The following PLXNA2 variants were observed in gnomAD, a reference collection of about 807,000 sequenced individuals.
PLXNA2 encodes plexin-A2.
A neutral mutation model predicts 193.5 loss-of-function variants in PLXNA2; 91 were observed. The observed-to-expected ratio is 0.47, with a 90% CI of 0.40 to 0.56. The LOEUF (loss-of-function observed/expected upper bound fraction) is 0.56. Among genes scored for constraint, PLXNA2 ranks in the 20% least tolerant of loss-of-function variants. The probability of loss-of-function intolerance (pLI) is 0.00; values close to 1 mark genes in which losing one functional copy is unlikely to be tolerated. For missense variants in PLXNA2, 1,995 were observed against 2,503.2 expected, an observed-to-expected ratio of 0.80 and a Z score of 4.33; for synonymous variants, 997 against 1,027.3, an observed-to-expected ratio of 0.97 and a Z score of 0.56.
intron 26 of PLXNA2, among the ~76,000 whole-genome samples, chr1:208,035,968 T>A (rs756035311): frequency 3.8e-4 from 58 of 152,304 alleles, no homozygotes; most frequent in Non-Finnish European, 7.8e-4. Context: ...TTATGCAGAT[T>A]TTCTTCTGCA....
At chr1:208,137,657 T>A (rs1436761150) in intron 4 of PLXNA2, among the ~76,000 whole-genome samples, 1 of 152,160 alleles carries the variant, frequency 6.6e-6, no homozygotes, top group Non-Finnish European at 1.5e-5. Context: ...GGGAATCAGT[T>A]CCCAAATTTT....
chr1:208,090,570 C>A (rs532539256), intron 9 of PLXNA2, among the ~76,000 whole-genome samples: 1 of 152,140 alleles, frequency 6.6e-6, no homozygotes, highest in Non-Finnish European at 1.5e-5. Flanking sequence ...TCCACACACA[C>A]CCCAGCAGAG....
At chr1:208,122,473 G>A (rs1190880135) in intron 4 of PLXNA2, among the ~76,000 whole-genome samples, 1 of 152,132 alleles carries the variant, frequency 6.6e-6, no homozygotes, top group Non-Finnish European at 1.5e-5. Context: ...CTCCCTAATA[G>A]GAATGTTGTG....
intron 3 of PLXNA2, among the ~76,000 whole-genome samples, chr1:208,152,797 C>T (rs1272843276): frequency 6.6e-6 from 1 of 151,380 alleles, no homozygotes; most frequent in Non-Finnish European, 1.5e-5. Flanking sequence ...GCTAACATGG[C>T]CTTCTCACCA....
At chr1:208,095,747 G>A (rs747151443) in intron 8 of PLXNA2, among the ~76,000 whole-genome samples, 1 of 152,162 alleles carries the variant, frequency 6.6e-6, no homozygotes, top group Non-Finnish European at 1.5e-5. Flanking sequence ...TACGGTTCCT[G>A]TTCTCTGACT....
chr1:208,118,527 C>T (rs1000592147), intron 4 of PLXNA2, among the ~76,000 whole-genome samples: 3 of 152,210 alleles, frequency 2.0e-5, no homozygotes, highest in Non-Finnish European at 4.4e-5. Flanking sequence ...CTCCCCCACC[C>T]CGGGGTCTTG....
intron 1 of PLXNA2, among the ~76,000 whole-genome samples, chr1:208,234,063 C>T (rs1671775900): frequency 6.6e-6 from 1 of 151,948 alleles, no homozygotes. Context: ...TGGGGGAGGT[C>T]ACTGGGCACA....
intron 6 of PLXNA2, 96 bp from the exon 7 acceptor site, chr1:208,096,979 C>T: frequency 9.4e-7 from 1 of 1,066,940 alleles, no homozygotes; most frequent in Non-Finnish European, 1.3e-6. Flanking sequence ...TCACTGATCT[C>T]CCCTGACCTC....
rs975675271 is a variant in PLXNA2 at position 208,089,655 on chromosome 1, T to C, written c.2097+3131A>G. Among the ~76,000 whole-genome samples the C allele has an allele frequency of 8.5e-5, 13 of 152,188 alleles. 1 individual carries two copies. The highest frequency in any genetic ancestry group is 8.5e-4 in the Admixed American group (13 of 15,280). On this transcript the variant is annotated intron_variant, in intron 9 of 31. Coordinates refer to ENST00000367033, the MANE Select transcript of PLXNA2 (RefSeq NM_025179.4). The stretch of plus-strand genomic sequence containing the variant: ...GAACTCCTGGCACATGTGAAGAAAT[T>C]ATAAATGTGTGATATATTAATGTTG...
chr1:208,189,546 G>A (rs1206637762), intron 3 of PLXNA2, among the ~76,000 whole-genome samples: 2 of 151,224 alleles, frequency 1.3e-5, no homozygotes, highest in South Asian at 4.2e-4. Context: ...TGAGGCAGAA[G>A]GATGAGCATA....
At chr1:208,157,802 T>C (rs1242913276) in intron 3 of PLXNA2, among the ~76,000 whole-genome samples, 1 of 152,174 alleles carries the variant, frequency 6.6e-6, no homozygotes, top group East Asian at 1.9e-4. Context: ...TCTGTAATTA[T>C]TTGTAAAATG....
intron 4 of PLXNA2, among the ~76,000 whole-genome samples, chr1:208,110,159 A>C (rs1283838022): frequency 3.9e-5 from 6 of 152,224 alleles, no homozygotes; most frequent in African/African-American, 1.4e-4. Context: ...TCTCAGGCAG[A>C]GAAGCCAAGG....
In PLXNA2 at chr1:208,147,163, A is replaced by G. The variant is rs1012610338; in HGVS notation, c.1372-4700T>C. Reference sequence around the variant, plus strand: ...CAGCCACCCAAGTAGCTGGGACTACAGGTGTGCACCACCACAACTGGCTAC... The same window carrying G: ...CAGCCACCCAAGTAGCTGGGACTACGGGTGTGCACCACCACAACTGGCTAC... On this transcript the variant is annotated intron_variant, in intron 3 of 31. Transcript: ENST00000367033. Among the ~76,000 whole-genome samples the G allele has an allele frequency of 7.2e-5, 11 of 152,104 alleles. 1 individual carries two copies. The highest frequency in any genetic ancestry group is 6.5e-4 in the Admixed American group (10 of 15,276).
chr1:208,079,317 G>A lies in PLXNA2; in HGVS notation c.2529C>T (p.Ser843=), dbSNP rs764598882. 7.4e-6 allele frequency: 12 copies of A among 1,613,456 alleles called. No individual in the cohort carries two copies. Among genetic ancestry groups the A allele is most frequent in the Non-Finnish European group, 1.0e-5 (12 of 1,179,418 alleles). Reference sequence around the variant, plus strand: ...TGTGGCTGGACCAGTCGAGCCAGGGGCTGGAAGGGCTGGTACAGTGCTGGT... The same window carrying A: ...TGTGGCTGGACCAGTCGAGCCAGGGACTGGAAGGGCTGGTACAGTGCTGGT... ...TLHQHCTSPS[S]PWLDWSSHNV... The change falls in exon 12 of 32, where the codon AGC becomes AGT. Residue 843 remains serine (S), a synonymous_variant. Transcript: ENST00000367033.
At position 208,227,314 on chromosome 1, in the gene PLXNA2, T is replaced by C. The variant is rs553537283; in HGVS notation, c.-80-9312A>G. 2.0e-5 allele frequency among the ~76,000 whole-genome samples: 3 copies of C among 152,324 alleles called. No individual in the cohort carries two copies. In the South Asian group the frequency reaches 6.2e-4, roughly 32 times the overall value. On this transcript the variant is annotated intron_variant, in intron 1 of 31. Coordinates refer to ENST00000367033, the MANE Select transcript of PLXNA2 (RefSeq NM_025179.4). ...ATGACACGCTATGCTACATGCCCTG[T>C]ATATGCTATCCATAGTTGTGTGATT...
intron 3 of PLXNA2, among the ~76,000 whole-genome samples, chr1:208,180,778 TCATTG>T (rs1669817842): frequency 6.6e-6 from 1 of 152,172 alleles, no homozygotes. Flanking sequence ...GTATTCGCTG[TCATTG>T]CCCCACACCC....
At chr1:208,142,132 C>A (rs1053147362) in intron 4 of PLXNA2, among the ~76,000 whole-genome samples, 197 bp downstream of exon 4, 6 of 152,328 alleles carry the variant, frequency 3.9e-5, no homozygotes, top group African/African-American at 1.2e-4. Flanking sequence ...TAGAGTGAAG[C>A]CTCCGGGAAG....
At position 208,038,061 on chromosome 1, in the gene PLXNA2, TTTG is replaced by T. The variant is rs1012839601; in HGVS notation, c.4764+307_4764+309del. Among the ~76,000 whole-genome samples, 3 of 152,178 alleles carry T rather than the reference TTTG, an allele frequency of 2.0e-5. No individual in the cohort carries two copies. Among genetic ancestry groups the T allele is most frequent in the Non-Finnish European group, 2.9e-5 (2 of 68,018 alleles). On this transcript the variant is annotated intron_variant, in intron 26 of 31. Coordinates refer to ENST00000367033, the MANE Select transcript of PLXNA2 (RefSeq NM_025179.4). The surrounding 1 kb of genome is among the most constrained non-coding windows in gnomAD (Gnocchi z 4.1). ...AGGGCTTTGCAATATGCATTTGATT[TTTG>T]TTGTTGTTGTTGTTTTGTTTTGTTT...
intron 3 of PLXNA2, among the ~76,000 whole-genome samples, chr1:208,204,152 T>C (rs1206485252): frequency 6.6e-6 from 1 of 152,192 alleles, no homozygotes; most frequent in East Asian, 1.9e-4. Context: ...CATTAGCTAA[T>C]GGGAAAGAAG....
Sources: allele counts gnomAD v4.1 joint callset (sites outside exome capture counted in the v4.1 genomes callset), GRCh38; gene constraint gnomAD v4.1.1; non-coding constraint Gnocchi (gnomAD v3.1); transcripts MANE v1.5; gene names NCBI Gene and HGNC (gene_info 2026-07-23, HGNC 2026-07-21).